The following EFCAB11 variants were observed in gnomAD, a reference collection of about 807,000 sequenced individuals.
The protein encoded by EFCAB11 is EF-hand calcium binding domain 11.
A neutral mutation model predicts 23.0 loss-of-function variants in EFCAB11; 14 were observed. The observed-to-expected ratio is 0.61, with a 90% confidence interval of 0.40 to 0.95. The LOEUF is 0.95. Among genes scored for constraint, EFCAB11 ranks in the 40% least tolerant of loss-of-function variants. The pLI is 0.00. For missense variants in EFCAB11, 198 were observed against 195.8 expected (o/e 1.01, Z -0.07); for synonymous variants, 65 against 66.6 (o/e 0.98, Z 0.11).
At chr14:89,840,641 A>C (rs992630274) in intron 5 of EFCAB11, among the ~76,000 whole-genome samples, 20 of 152,232 alleles carry the variant, frequency 1.3e-4, no homozygotes, top group African/African-American at 4.8e-4. Flanking sequence ...AAAATGGAAA[A>C]GCACTACATT....
At chr14:89,881,150 T>C (rs1346104644) in intron 5 of EFCAB11, among the ~76,000 whole-genome samples, 4 of 152,018 alleles carry the variant, frequency 2.6e-5, no homozygotes, top group Non-Finnish European at 4.4e-5. Flanking sequence ...GGTGATTATA[T>C]GGTTGTTATC....
rs67831579 is a variant in EFCAB11, at chr14:89,835,585, C to CGTGTGTGTGTGTGTGTGTGTGTGT, written c.411-38285_411-38262dup. 3.5e-4 allele frequency among the ~76,000 whole-genome samples: 33 copies of CGTGTGTGTGTGTGTGTGTGTGTGT among 93,392 alleles called. 1 individual carries two copies. Among genetic ancestry groups the CGTGTGTGTGTGTGTGTGTGTGTGT allele is most frequent in the African/African-American group, 9.2e-4 (20 of 21,850 alleles). 61.3% of individuals were successfully genotyped at this position (93,392 alleles called of 152,430 possible). On this transcript the variant is annotated intron_variant, in intron 5 of 5. Coordinates refer to ENST00000316738, the MANE Select transcript of EFCAB11 (RefSeq NM_145231.4). ...TGGATTTCAGATTAGGGATGCTCAA[C>CGTGTGTGTGTGTGTGTGTGTGTGT]GTGTGTGTGTGTGTGTGTGTGTGTG...
intron 5 of EFCAB11, among the ~76,000 whole-genome samples, chr14:89,918,561 GA>G: frequency 6.6e-6 from 1 of 151,034 alleles, no homozygotes; most frequent in Non-Finnish European, 1.5e-5. Flanking sequence ...AGAAGAAGAA[GA>G]AGAAAGAAAA....
intron 5 of EFCAB11, among the ~76,000 whole-genome samples, chr14:89,820,441 T>C (rs1886476639): frequency 6.6e-6 from 1 of 152,030 alleles, no homozygotes; most frequent in Non-Finnish European, 1.5e-5. Flanking sequence ...ACTCTCACCG[T>C]TGGCCTTTCC....
intron 3 of EFCAB11, among the ~76,000 whole-genome samples, chr14:89,939,857 G>C (rs554899223): frequency 2.4e-4 from 36 of 152,264 alleles, no homozygotes; most frequent in African/African-American, 7.9e-4. Flanking sequence ...TCCTGCCTCA[G>C]CCTCTGGAGT....
chr14:89,832,575 T>G (rs1005706747), intron 5 of EFCAB11, among the ~76,000 whole-genome samples: 11 of 152,302 alleles, frequency 7.2e-5, no homozygotes, highest in Middle Eastern at 3.4e-3. Flanking sequence ...TATACAGATG[T>G]TCCTTGATTT....
chr14:89,816,315 G>A (rs1211226327), intron 5 of EFCAB11, among the ~76,000 whole-genome samples: 1 of 151,970 alleles, frequency 6.6e-6, no homozygotes, highest in Non-Finnish European at 1.5e-5. Flanking sequence ...TAAATATGTT[G>A]TCAGCAAACA....
chr14:89,875,150 G>A (rs1286937), intron 5 of EFCAB11, among the ~76,000 whole-genome samples: 129,654 of 152,012 alleles, frequency 0.85, 56,536 homozygotes, highest in Non-Finnish European at 0.95. Context: ...CTCGGGGTTC[G>A]CGTAACTAGT....
intron 5 of EFCAB11, among the ~76,000 whole-genome samples, chr14:89,896,990 G>A (rs1889188319): frequency 6.6e-6 from 1 of 152,068 alleles, no homozygotes; most frequent in African/African-American, 2.4e-5. Flanking sequence ...GCCTCTCAAG[G>A]TGCTAGTATT....
rs202155263 is a variant in EFCAB11, at chr14:89,893,786, A to C, written c.410+37755T>G. ...TCTGCACACTCGTCTCCAAAAAAAA[A>C]AAACAAACAAACAAAAAAAAAGATA... On this transcript the variant is annotated intron_variant, in intron 5 of 5. Transcript: ENST00000316738. Among the ~76,000 whole-genome samples, 1,046 of 151,276 alleles carry C rather than the reference A, an allele frequency of 6.9e-3. 13 individuals carry two copies. Among genetic ancestry groups the C allele is most frequent in the South Asian group, 0.04 (189 of 4,784 alleles).
At chr14:89,832,889 C>T (rs1218906071) in intron 5 of EFCAB11, among the ~76,000 whole-genome samples, 1 of 152,128 alleles carries the variant, frequency 6.6e-6, no homozygotes, top group East Asian at 1.9e-4. Flanking sequence ...AGTCACGGAC[C>T]ATTTGTATGA....
At chr14:89,890,597 G>C (rs993884699) in intron 5 of EFCAB11, among the ~76,000 whole-genome samples, 75 of 152,196 alleles carry the variant, frequency 4.9e-4, no homozygotes, top group African/African-American at 1.8e-3. Context: ...TGGATACTCA[G>C]ATCAACTCCC....
intron 5 of EFCAB11, among the ~76,000 whole-genome samples, chr14:89,863,976 A>G (rs25453): frequency 0.041 from 6,186 of 152,326 alleles, 198 homozygotes; most frequent in South Asian, 0.083. Flanking sequence ...TTCTTTAACC[A>G]ATAACCCTTA....
In EFCAB11 at chr14:89,838,902, G is replaced by A. The variant is rs144654185; in HGVS notation, c.411-41578C>T. On this transcript the variant is annotated intron_variant, in intron 5 of 5. Coordinates refer to ENST00000316738, the MANE Select transcript of EFCAB11 (RefSeq NM_145231.4). ...CCAGGGTATAGCTAAGGAAGCAGGC[G>A]GCTAAAGTAACACAGATAAATTCAC... Among the ~76,000 whole-genome samples the A allele has an allele frequency of 1.4e-3, 215 of 152,270 alleles. 1 individual carries two copies. Among genetic ancestry groups the A allele is most frequent in the South Asian group, 5.4e-3 (26 of 4,824 alleles).
chr14:89,829,708 T>C (rs1455235970), intron 5 of EFCAB11: 1 of 152,178 alleles, frequency 6.6e-6, no homozygotes. Flanking sequence ...TTTCTGCAGA[T>C]TGCTATGACA....
At chr14:89,810,391 T>A (rs1886113249) in intron 5 of EFCAB11, among the ~76,000 whole-genome samples, 1 of 152,228 alleles carries the variant, frequency 6.6e-6, no homozygotes, top group South Asian at 2.1e-4. Flanking sequence ...TCTTTATAAT[T>A]TTCATTTTTA....
intron 5 of EFCAB11, among the ~76,000 whole-genome samples, chr14:89,925,176 G>A (rs1031740290): frequency 3.9e-5 from 6 of 152,162 alleles, no homozygotes; most frequent in African/African-American, 1.4e-4. Context: ...CAAACAGAAT[G>A]AAGCATAAAT....
chr14:89,867,122 T>C (rs896317087), intron 5 of EFCAB11, among the ~76,000 whole-genome samples: 32 of 152,320 alleles, frequency 2.1e-4, no homozygotes, highest in African/African-American at 7.5e-4. Flanking sequence ...GACTAGATTA[T>C]AAACTGAGTA....
intron 5 of EFCAB11, among the ~76,000 whole-genome samples, chr14:89,898,370 G>T (rs551795512): frequency 6.6e-6 from 1 of 152,022 alleles, no homozygotes; most frequent in East Asian, 1.9e-4. Flanking sequence ...TTTTTGTTTT[G>T]TTTTGTTTTT....
Sources: allele counts gnomAD v4.1 joint callset (sites outside exome capture counted in the v4.1 genomes callset), GRCh38; gene constraint gnomAD v4.1.1; transcripts MANE v1.5; gene names NCBI Gene and HGNC (gene_info 2026-07-23, HGNC 2026-07-21).